The following MICAL2 variants were observed in gnomAD, a reference collection of about 807,000 sequenced individuals.
MICAL2 encodes the protein [F-actin]-monooxygenase MICAL2.
MICAL2 carries 77 observed loss-of-function variants against 127.3 expected under a neutral mutation model. That is an observed-to-expected ratio of 0.60 (90% CI 0.50 to 0.73). MICAL2 has a LOEUF of 0.73. MICAL2 is among the 30% of genes least tolerant of loss of function. MICAL2 has a pLI of 0.00. For missense variants in MICAL2, 1,351 were observed against 1,434.4 expected (o/e 0.94, Z 0.94); for synonymous variants, 570 against 551.1 (o/e 1.03, Z -0.48).
Position 12,238,526 on chromosome 11 carries a change from C to T in MICAL2, c.2065-910C>T, listed in dbSNP as rs141095585. On this transcript the variant is annotated intron_variant, in intron 16 of 27. Transcript: ENST00000683283. ...TAATCATGAGACAACATCAGACCAA[C>T]CCAGATTGAGGGGCTTTCTATTAAA... is the stretch of plus-strand genomic sequence containing the variant. Among the ~76,000 whole-genome samples the T allele has an allele frequency of 1.6e-3, 241 of 152,254 alleles. 1 individual carries two copies. Among genetic ancestry groups the T allele is most frequent in the African/African-American group, 5.4e-3 (225 of 41,540 alleles).
chr11:12,242,454 C>T (rs759566492), intron 19 of MICAL2, 22 bp downstream of exon 19: 36 of 1,580,558 alleles, frequency 2.3e-5, no homozygotes, highest in South Asian at 5.8e-5. Context: ...ACTTTTTGCC[C>T]GTCTCTGTCC....
intron 24 of MICAL2, among the ~76,000 whole-genome samples, chr11:12,268,965 C>T (rs1177130056): frequency 2.0e-5 from 3 of 152,200 alleles, no homozygotes; most frequent in Non-Finnish European, 2.9e-5. Flanking sequence ...TGCCACTGCA[C>T]TCCAGCCTCG....
Position 12,287,152 on chromosome 11 carries a change from G to T in MICAL2, c.322G>T (p.Glu108Ter). 2.5e-6 allele frequency: 1 copy of T among 399,004 alleles called. No homozygotes were observed. Among genetic ancestry groups the T allele is most frequent in the Non-Finnish European group, 4.4e-6 (1 of 226,070 alleles). The allele number at this position is 399,004 out of a possible 1,614,324, so 24.7% of individuals were successfully genotyped here. The stretch of plus-strand genomic sequence containing the variant: ...AAGCAAATACCAGAACTGGAGGAGA[G>T]AATTCTGGTGGAGTGAGTCACTAGC... The change falls in exon 3 of 3, where the codon GAA (glutamate) becomes TAA (stop). Residue 108 changes from glutamate to a stop codon, truncating the protein, a stop_gained. Transcript: ENST00000529028. LOFTEE classifies it low-confidence loss of function (END_TRUNC).
intron 18 of MICAL2, among the ~76,000 whole-genome samples, chr11:12,241,935 C>T (rs1860023638): frequency 1.3e-5 from 2 of 151,892 alleles, no homozygotes; most frequent in African/African-American, 4.8e-5. Context: ...TTTTTAAGTA[C>T]CCTAAATGTC....
chr11:12,244,233 A>G, intron 21 of MICAL2, 121 bp downstream of exon 21: 1 of 1,332,212 alleles, frequency 7.5e-7, no homozygotes, highest in Non-Finnish European at 1.1e-6. Context: ...TTTGTAAGAT[A>G]TTTTACACCA....
chr11:12,302,225 T>C (rs1864055593), intron 29 of MICAL2, among the ~76,000 whole-genome samples: 1 of 152,174 alleles, frequency 6.6e-6, no homozygotes, highest in African/African-American at 2.4e-5. Flanking sequence ...AAGAAGAGGA[T>C]TCAGAGGAGC....
At chr11:12,304,635 C>G (rs1477309654) in intron 29 of MICAL2, among the ~76,000 whole-genome samples, 1 of 122,268 alleles carries the variant, frequency 8.2e-6, no homozygotes, top group Non-Finnish European at 1.7e-5. Context: ...AACTCTGTCT[C>G]AAACACACAC....
chr11:12,185,942 C>T (rs553911580), intron 3 of MICAL2, among the ~76,000 whole-genome samples: 9 of 152,318 alleles, frequency 5.9e-5, no homozygotes, highest in African/African-American at 2.2e-4. Flanking sequence ...GATGTGCTTC[C>T]CAGGCACATA....
chr11:12,140,967 C>T (rs1852293594), intron 2 of MICAL2, among the ~76,000 whole-genome samples: 1 of 152,208 alleles, frequency 6.6e-6, no homozygotes, highest in East Asian at 1.9e-4. Flanking sequence ...CCTACCTCTT[C>T]CTTCTCACTG....
chr11:12,315,895 T>A (rs767942257), intron 29 of MICAL2, among the ~76,000 whole-genome samples: 45 of 152,192 alleles, frequency 3.0e-4, no homozygotes, highest in Admixed American at 2.4e-3. Context: ...TTTTGCTTCA[T>A]GTATTTTGGA....
intron 2 of MICAL2, among the ~76,000 whole-genome samples, chr11:12,154,022 T>C (rs189584337): frequency 3.9e-5 from 6 of 152,088 alleles, no homozygotes; most frequent in Non-Finnish European, 8.8e-5. Flanking sequence ...GAGATTTGGG[T>C]TGGAGATTTG....
chr11:12,288,985 C>T (rs938025332), downstream of MICAL2, among the ~76,000 whole-genome samples: 4 of 152,378 alleles, frequency 2.6e-5, no homozygotes, highest in East Asian at 1.9e-4. Context: ...GGTACCATCC[C>T]TCCTGTCCAG....
intron 26 of MICAL2, chr11:12,260,854 C>T (rs1169929823): frequency 1.0e-6 from 1 of 985,334 alleles, no homozygotes; most frequent in Non-Finnish European, 1.2e-6. Context: ...CATACCAACT[C>T]ACAGCCAAAT....
chr11:12,292,688 T>G (rs758276154), downstream of MICAL2, among the ~76,000 whole-genome samples: 19 of 152,214 alleles, frequency 1.2e-4, no homozygotes, highest in Non-Finnish European at 2.4e-4. Flanking sequence ...CCAAGAACCT[T>G]GGAAGCAACA....
At position 12,323,893 on chromosome 11, in the gene MICAL2, A is replaced by T. The variant is rs906099658; in HGVS notation, c.5329-85A>T. 6 of 1,411,656 alleles carry T rather than the reference A, an allele frequency of 4.3e-6. No individual in the cohort carries two copies. In the African/African-American group the frequency reaches 8.7e-5, roughly 20 times the overall value. The allele number at this position is 1,411,656 out of a possible 1,614,324, so 87.4% of individuals were successfully genotyped here. ...GCAGTGGCTGGGAATCATTAGTTGG[A>T]GAGGGTAGAAGCCTATAACGATATT... On this transcript the variant is annotated intron_variant, in intron 30 of 34. Transcript: ENST00000646065.
intron 3 of MICAL2, among the ~76,000 whole-genome samples, chr11:12,168,139 AG>A (rs1196143732): frequency 1.6e-5 from 1 of 62,262 alleles, no homozygotes; most frequent in Non-Finnish European, 4.0e-5. Flanking sequence ...TGGTCTCTAC[AG>A]CAAATACACA....
intron 6 of MICAL2, among the ~76,000 whole-genome samples, chr11:12,212,025 C>T (rs1467838801): frequency 6.6e-6 from 1 of 152,204 alleles, no homozygotes; most frequent in Non-Finnish European, 1.5e-5. Flanking sequence ...GGTCCATGTT[C>T]CACGGGATGG....
chr11:12,224,610 G>A, intron 12 of MICAL2, 63 bp from the exon 13 acceptor site: 2 of 1,567,978 alleles, frequency 1.3e-6, no homozygotes, highest in East Asian at 2.3e-5. Flanking sequence ...TGAGAAGGGA[G>A]CGCCAGGGCA....
At chr11:12,282,082 G>C (rs191213726) in intron 2 of MICAL2, among the ~76,000 whole-genome samples, 27 of 152,316 alleles carry the variant, frequency 1.8e-4, no homozygotes, top group Admixed American at 9.1e-4. Flanking sequence ...TTTCAGGAGT[G>C]ATGGTTTCCC....
Sources: gnomAD v4.1 joint callset for allele counts (sites outside exome capture counted in the v4.1 genomes callset) on GRCh38, gnomAD v4.1.1 for gene constraint, MANE v1.5 for transcripts, NCBI Gene and HGNC (gene_info 2026-07-23, HGNC 2026-07-21) for gene names.